The following PITPNM3 variants were observed in gnomAD, a reference collection of about 807,000 sequenced individuals.
PITPNM3 encodes the protein PITPNM family member 3.
PITPNM3 carries 26 observed loss-of-function variants against 102.0 expected under a neutral mutation model. The ratio of observed to expected loss-of-function variants is 0.25; its 90% CI spans 0.19 to 0.35. The LOEUF (loss-of-function observed/expected upper bound fraction) is 0.35. Ranked by LOEUF, PITPNM3 falls within the 10% of genes least tolerant of loss-of-function variation. PITPNM3 has a pLI of 1.00. For missense variants in PITPNM3, 1,083 were observed against 1,346.1 expected (o/e 0.80, Z 3.06); for synonymous variants, 578 against 558.6 (o/e 1.03, Z -0.49).
chr17:6,523,918 C>G (rs1447043088), intron 3 of PITPNM3, among the ~76,000 whole-genome samples: 1 of 152,178 alleles, frequency 6.6e-6, no homozygotes, highest in Non-Finnish European at 1.5e-5. Flanking sequence ...TTAGTCCAGT[C>G]CGGGAGGTGA....
chr17:6,466,938 C>T (rs1405145031), intron 14 of PITPNM3, among the ~76,000 whole-genome samples: 1 of 151,746 alleles, frequency 6.6e-6, no homozygotes, highest in African/African-American at 2.4e-5. Context: ...GTGGTGAACA[C>T]CTGTAATCCC....
At chr17:6,455,680 A>C in intron 19 of PITPNM3, 37 bp from the exon 20 acceptor site, 1 of 1,136,182 alleles carries the variant, frequency 8.8e-7, no homozygotes, top group Non-Finnish European at 1.1e-6. Flanking sequence ...AGGGCAGGGC[A>C]GGGCAGCAGC....
intron 6 of PITPNM3, among the ~76,000 whole-genome samples, chr17:6,482,086 C>CTG: frequency 6.9e-6 from 1 of 144,042 alleles, no homozygotes; most frequent in South Asian, 2.3e-4. Context: ...CTCTCTCTCT[C>CTG]TGACATTCTC....
Position 6,472,678 on chromosome 17 carries a change from C to T in PITPNM3, c.1408G>A (p.Asp470Asn), listed in dbSNP as rs201223846. The T allele has an allele frequency of 9.3e-6, 15 of 1,613,490 alleles. No homozygotes were observed. Among genetic ancestry groups the T allele is most frequent in the African/African-American group, 8.0e-5 (6 of 75,054 alleles). ...VPRYQRFPLG[D>N]GQSLLLADAL... ...CTACCGAGGAGGAGGGACTGCCCATCGCCCAGTGGGAACCTCTGGTAGCGA... is the reference window on the plus strand; with the variant it reads ...CTACCGAGGAGGAGGGACTGCCCATTGCCCAGTGGGAACCTCTGGTAGCGA... Residue 470 changes from aspartate (D) to asparagine (N), a missense_variant, in exon 11 of 20, where the codon GAT becomes AAT. Physicochemically the swap from Asp to Asn is conservative, Grantham distance 23 (BLOSUM62 1). Transcript: ENST00000262483. The surrounding 1 kb of genome is among the most constrained non-coding windows in gnomAD (Gnocchi z 4.1).
intron 8 of PITPNM3, among the ~76,000 whole-genome samples, chr17:6,477,489 G>C (rs1370417359): frequency 3.3e-5 from 5 of 152,116 alleles, no homozygotes; most frequent in Non-Finnish European, 5.9e-5. Context: ...TTCCACACCT[G>C]TCATAATAAT....
intron 4 of PITPNM3, among the ~76,000 whole-genome samples, chr17:6,496,897 T>C (rs1906862180): frequency 6.6e-6 from 1 of 152,070 alleles, no homozygotes; most frequent in African/African-American, 2.4e-5. Context: ...CACCAATGCA[T>C]TGGCATAGAG....
chr17:6,470,216 C>T lies in PITPNM3; in HGVS notation c.1773+44G>A, dbSNP rs767540050. On this transcript the variant is annotated intron_variant, in intron 13 of 19. Transcript: ENST00000262483. The surrounding 1 kb of genome is among the most constrained non-coding windows in gnomAD (Gnocchi z 4.8). ...TCCAGCTGGAGAAGGGGCGGTACCC[C>T]CTTGGGGTGGCTGTGGGCAGGCCCG... 5.8e-6 allele frequency: 9 copies of T among 1,559,546 alleles called. No individual in the cohort carries two copies. In the Admixed American group the frequency reaches 9.6e-5, roughly 17 times the overall value.
chr17:6,553,950 C>T (rs895026462), intron 1 of PITPNM3, among the ~76,000 whole-genome samples: 12 of 152,132 alleles, frequency 7.9e-5, no homozygotes, highest in African/African-American at 2.7e-4. Context: ...ACAGATGTTG[C>T]CAATGAGGAA....
intron 2 of PITPNM3, among the ~76,000 whole-genome samples, chr17:6,526,030 G>A (rs186810118): frequency 6.6e-6 from 1 of 152,358 alleles, no homozygotes; most frequent in East Asian, 1.9e-4. Flanking sequence ...TGCAGAAGCA[G>A]CTCTGGAGTA....
At chr17:6,492,478 A>C (rs1012987627) in intron 4 of PITPNM3, among the ~76,000 whole-genome samples, 2 of 152,212 alleles carry the variant, frequency 1.3e-5, no homozygotes, top group Non-Finnish European at 2.9e-5. Flanking sequence ...CTAATGAGGG[A>C]GTATAAAAGG....
At chr17:6,477,679 G>A (rs1905393284) in intron 8 of PITPNM3, among the ~76,000 whole-genome samples, 1 of 152,140 alleles carries the variant, frequency 6.6e-6, no homozygotes, top group South Asian at 2.1e-4. Context: ...CCAAGTAGCT[G>A]GGATTACAGG....
chr17:6,552,503 C>G (rs1373760840), intron 1 of PITPNM3, among the ~76,000 whole-genome samples: 10 of 152,216 alleles, frequency 6.6e-5, no homozygotes, highest in Non-Finnish European at 5.9e-5. Context: ...GCGTCCCAGC[C>G]AGAGGGATCT....
intron 1 of PITPNM3, among the ~76,000 whole-genome samples, chr17:6,550,839 G>A (rs1441517976): frequency 3.3e-5 from 5 of 152,206 alleles, no homozygotes; most frequent in Non-Finnish European, 7.3e-5. Context: ...GGGGTTCCAG[G>A]CCCAGGGTCA....
intron 1 of PITPNM3, among the ~76,000 whole-genome samples, chr17:6,548,170 C>T (rs547522394): frequency 2.4e-4 from 37 of 152,264 alleles, no homozygotes; most frequent in African/African-American, 8.7e-4. Context: ...CAATGTGACC[C>T]CCTGCAGGTG....
At chr17:6,495,378 G>C (rs1398017228) in intron 4 of PITPNM3, among the ~76,000 whole-genome samples, 1 of 152,094 alleles carries the variant, frequency 6.6e-6, no homozygotes, top group African/African-American at 2.4e-5. Context: ...GTTTCCAAAA[G>C]CTCTTTTGTT....
At chr17:6,481,319 T>A (rs1408853235) in intron 6 of PITPNM3, 1 of 152,344 alleles carries the variant, frequency 6.6e-6, no homozygotes, top group African/African-American at 2.4e-5. Flanking sequence ...CATGGCTAGA[T>A]CCCCACAGCT....
Position 6,455,192 on chromosome 17 carries a change from C to G in PITPNM3, c.*146G>C. On this transcript the variant is annotated 3_prime_UTR_variant, in exon 20 of 20. Transcript: ENST00000262483. ...AGCCCCCCGGGCTCGGGCAGGATCCCTCCCCGCTCTGGTCGGACACTGCTG... is the reference window on the plus strand; with the variant it reads ...AGCCCCCCGGGCTCGGGCAGGATCCGTCCCCGCTCTGGTCGGACACTGCTG... 8.9e-7 allele frequency: 1 copy of G among 1,129,332 alleles called. No individual in the cohort carries two copies. Among genetic ancestry groups the G allele is most frequent in the African/African-American group, 1.6e-5 (1 of 61,482 alleles). 70.0% of individuals were successfully genotyped at this position (1,129,332 alleles called of 1,614,324 possible). A position where few individuals can be genotyped will look rare whatever the true frequency, so the allele number is the denominator to read the frequency against.
chr17:6,461,109 G>A, intron 18 of PITPNM3: 1 of 551,720 alleles, frequency 1.8e-6, no homozygotes, highest in South Asian at 2.0e-5. Flanking sequence ...ATGGCCAGAT[G>A]TAGAGACAAG....
intron 4 of PITPNM3, among the ~76,000 whole-genome samples, chr17:6,495,238 CAG>C (rs1165782988): frequency 6.6e-6 from 1 of 151,656 alleles, no homozygotes; most frequent in Non-Finnish European, 1.5e-5. Context: ...ACTCAAAAGA[CAG>C]ATTAAAAATA....
Sources: gnomAD v4.1 joint callset for allele counts (sites outside exome capture counted in the v4.1 genomes callset) on GRCh38, gnomAD v4.1.1 for gene constraint, Gnocchi (gnomAD v3.1) non-coding constraint, MANE v1.5 for transcripts, NCBI Gene and HGNC (gene_info 2026-07-23, HGNC 2026-07-21) for gene names.